ADAMTS17: variants seen among roughly 807,000 people sequenced by gnomAD.
The protein encoded by ADAMTS17 is A disintegrin and metalloproteinase with thrombospondin motifs 17.
ADAMTS17 carries 113 observed loss-of-function variants against 141.5 expected under a neutral mutation model. That is an observed-to-expected ratio of 0.80 (90% confidence interval 0.69 to 0.93). The LOEUF (loss-of-function observed/expected upper bound fraction) is 0.93, where lower values mean the gene tolerates loss of function less well. Among genes scored for constraint, ADAMTS17 ranks in the 40% least tolerant of loss-of-function variants. The pLI, the probability that ADAMTS17 is intolerant of heterozygous loss-of-function variation, is 0.00. For synonymous variants in ADAMTS17, 768 were observed against 630.6 expected (o/e 1.22, Z -3.27); for missense variants, 1,659 against 1,517.9 (o/e 1.09, Z -1.54).
chr15:100,072,567 C>A (rs545382092), intron 15 of ADAMTS17, among the ~76,000 whole-genome samples: 31 of 152,122 alleles, frequency 2.0e-4, no homozygotes, highest in Admixed American at 9.2e-4. Flanking sequence ...AGCTATAGAC[C>A]AATGGAATAG....
intron 7 of ADAMTS17, among the ~76,000 whole-genome samples, chr15:100,232,450 G>T (rs1232982211): frequency 1.3e-5 from 2 of 152,254 alleles, no homozygotes; most frequent in Admixed American, 6.5e-5. Flanking sequence ...TGAACACTTG[G>T]TGTTCCCAGA....
intron 3 of ADAMTS17, among the ~76,000 whole-genome samples, chr15:100,290,233 A>C (rs1038792614): frequency 4.6e-5 from 7 of 152,302 alleles, no homozygotes; most frequent in African/African-American, 7.2e-5. Context: ...AGATGAGTGC[A>C]AATCAATGCA....
In ADAMTS17 at chr15:100,054,134, C is replaced by T. The variant is rs2141601996; in HGVS notation, c.2138-80G>A. On this transcript the variant is annotated intron_variant, in intron 15 of 21. Coordinates refer to ENST00000268070, the MANE Select transcript of ADAMTS17 (RefSeq NM_139057.4). ...GCCTGTCTTTAAACGGAATCTACAG[C>T]CCCTGAGTGGGGCAGAGGTCTCCCT... 5.8e-6 allele frequency: 9 copies of T among 1,549,070 alleles called. No homozygotes were observed. In the South Asian group the frequency reaches 1.0e-4, roughly 17 times the overall value.
intron 8 of ADAMTS17, among the ~76,000 whole-genome samples, chr15:100,158,041 A>G (rs1485629031): frequency 6.6e-6 from 1 of 152,182 alleles, no homozygotes; most frequent in Non-Finnish European, 1.5e-5. Flanking sequence ...GGCACGCGCC[A>G]GCACGCCTGG....
intron 18 of ADAMTS17, among the ~76,000 whole-genome samples, chr15:100,045,489 C>T (rs76796204): frequency 0.032 from 4,928 of 152,288 alleles, 110 homozygotes; most frequent in Non-Finnish European, 0.051. Context: ...TTGTGGTGGG[C>T]AGCAGCTACA....
chr15:100,009,441 G>A (rs1405498575), intron 18 of ADAMTS17, among the ~76,000 whole-genome samples: 1 of 152,104 alleles, frequency 6.6e-6, no homozygotes, highest in Admixed American at 6.5e-5. Flanking sequence ...TTCTCAGAAG[G>A]ACCTGGACAG....
In ADAMTS17 at chr15:100,339,788, C is replaced by A. The variant is rs192113389; in HGVS notation, c.450+1251G>T. 7.9e-5 allele frequency among the ~76,000 whole-genome samples: 12 copies of A among 152,192 alleles called. No homozygotes were observed. In the East Asian group the frequency reaches 2.1e-3, roughly 27 times the overall value. The stretch of plus-strand genomic sequence containing the variant: ...CCCAGCTGAGCAAAAGTCTATCATA[C>A]CCTAATCAGAACTCAGAAAATTCCT... On this transcript the variant is annotated intron_variant, in intron 2 of 21. Transcript: ENST00000268070.
intron 8 of ADAMTS17, among the ~76,000 whole-genome samples, chr15:100,179,508 C>T (rs180929719): frequency 1.1e-4 from 17 of 152,242 alleles, no homozygotes; most frequent in African/African-American, 2.4e-4. Flanking sequence ...AATAAACATG[C>T]GAGTGCAGAT....
intron 7 of ADAMTS17, among the ~76,000 whole-genome samples, chr15:100,249,857 T>C (rs886640893): frequency 6.6e-6 from 1 of 152,174 alleles, no homozygotes; most frequent in Admixed American, 6.5e-5. Flanking sequence ...AAAACACTCA[T>C]TAAAACACTT....
rs369837967 is a variant in ADAMTS17, at chr15:100,116,959, G to A, written c.1776C>T (p.Cys592=). ...CPGASVEHAV[C]ENLPCPKGLP... ...GACCCTTGGGGCAGGGCAGGTTCTC[G>A]CAGACCGCATGTTCTACACTGGCAC... The change falls in exon 13 of 22, where the codon TGC becomes TGT. Residue 592 remains cysteine, a synonymous_variant. Transcript: ENST00000268070. 2.3e-5 allele frequency: 37 copies of A among 1,613,768 alleles called. No individual in the cohort carries two copies. The highest frequency in any genetic ancestry group is 3.3e-5 in the South Asian group (3 of 91,040).
At chr15:100,066,348 C>A (rs978070440) in intron 15 of ADAMTS17, among the ~76,000 whole-genome samples, 1 of 151,944 alleles carries the variant, frequency 6.6e-6, no homozygotes, top group Admixed American at 6.6e-5. Flanking sequence ...TCACGCTTGT[C>A]AGGGCTTAGA....
intron 3 of ADAMTS17, among the ~76,000 whole-genome samples, chr15:100,297,427 T>C (rs996451384): frequency 1.3e-5 from 2 of 152,020 alleles, no homozygotes; most frequent in Non-Finnish European, 1.5e-5. Flanking sequence ...AACTACTCCA[T>C]GGGCCAAGGT....
Position 100,339,208 on chromosome 15 carries a change from C to T in ADAMTS17, c.450+1831G>A, listed in dbSNP as rs980683656. ...GTGCTAAAGGGAAGGACAGTCTTGC[C>T]GAGAAGCTGGCTGAGATGCCATCTA... On this transcript the variant is annotated intron_variant, in intron 2 of 21. Transcript: ENST00000268070. The T allele has an allele frequency of 8.2e-6, 8 of 978,338 alleles. No homozygotes were observed. In the East Asian group the frequency reaches 3.4e-4, roughly 42 times the overall value. 60.6% of individuals were successfully genotyped at this position (978,338 alleles called of 1,614,324 possible).
chr15:100,219,272 TG>T (rs1236023351), intron 7 of ADAMTS17, among the ~76,000 whole-genome samples: 3 of 152,216 alleles, frequency 2.0e-5, no homozygotes, highest in African/African-American at 7.2e-5. Flanking sequence ...AATCAAATTA[TG>T]GTGATGGCTG....
chr15:100,035,801 A>G (rs573014947), intron 18 of ADAMTS17, among the ~76,000 whole-genome samples: 1 of 152,304 alleles, frequency 6.6e-6, no homozygotes, highest in Admixed American at 6.5e-5. Flanking sequence ...ATCCTGCAAG[A>G]ACCTGGGAGT....
chr15:100,022,363 C>T lies in ADAMTS17; in HGVS notation c.2592-24774G>A, dbSNP rs567808119. ...CGTGTGCTGAGTCCACCCTAAACCTCGGCTCTGGCACACTGGAGAGAAAGT... is the reference window on the plus strand; with the variant it reads ...CGTGTGCTGAGTCCACCCTAAACCTTGGCTCTGGCACACTGGAGAGAAAGT... On this transcript the variant is annotated intron_variant, in intron 18 of 21. Coordinates refer to ENST00000268070, the MANE Select transcript of ADAMTS17 (RefSeq NM_139057.4). 2.4e-4 allele frequency among the ~76,000 whole-genome samples: 37 copies of T among 152,306 alleles called. No individual in the cohort carries two copies. In the South Asian group the frequency reaches 5.8e-3, roughly 24 times the overall value.
intron 17 of ADAMTS17, among the ~76,000 whole-genome samples, chr15:100,051,243 G>T (rs1043295416): frequency 3.9e-5 from 6 of 152,184 alleles, no homozygotes; most frequent in African/African-American, 1.4e-4. Context: ...GCAAGCAGCA[G>T]CAGTTGAAGG....
intron 3 of ADAMTS17, among the ~76,000 whole-genome samples, chr15:100,327,582 G>A: frequency 6.6e-6 from 1 of 152,214 alleles, no homozygotes; most frequent in East Asian, 1.9e-4. Context: ...TTACTTAAGA[G>A]TATGAAAATG....
intron 3 of ADAMTS17, among the ~76,000 whole-genome samples, chr15:100,292,105 C>T (rs1011989405): frequency 1.3e-4 from 20 of 150,540 alleles, no homozygotes; most frequent in African/African-American, 4.4e-4. Context: ...ACGCTCAGCC[C>T]GTGGGGAGTC....
Sources: allele counts gnomAD v4.1 joint callset (sites outside exome capture counted in the v4.1 genomes callset), GRCh38; gene constraint gnomAD v4.1.1; transcripts MANE v1.5; gene names NCBI Gene and HGNC (gene_info 2026-07-23, HGNC 2026-07-21).